Variants in SDK1 observed in about 807,000 individuals in gnomAD.
SDK1 encodes the protein protein sidekick-1.
SDK1 carries 157 observed loss-of-function variants against 245.5 expected under a neutral mutation model. The observed-to-expected ratio is 0.64, with a 90% confidence interval of 0.56 to 0.73. The LOEUF (loss-of-function observed/expected upper bound fraction) is 0.73, where lower values mean the gene tolerates loss of function less well. Among genes scored for constraint, SDK1 ranks in the 30% least tolerant of loss-of-function variants. The pLI is 0.00. For missense variants in SDK1, 3,583 were observed against 3,002.3 expected, an observed-to-expected ratio of 1.19 and a Z score of -4.52; for synonymous variants, 1,647 against 1,278.5, an observed-to-expected ratio of 1.29 and a Z score of -6.15.
intron 4 of SDK1, among the ~76,000 whole-genome samples, chr7:3,795,173 C>G (rs986585023): frequency 6.6e-6 from 1 of 152,088 alleles, no homozygotes; most frequent in Non-Finnish European, 1.5e-5. Context: ...CATCAAGTTG[C>G]CCTAGCATAC....
chr7:3,842,995 A>G (rs1033072222), intron 5 of SDK1, among the ~76,000 whole-genome samples: 2 of 152,114 alleles, frequency 1.3e-5, no homozygotes, highest in Non-Finnish European at 2.9e-5. Flanking sequence ...GCGAAAGTGC[A>G]TTGAACAACT....
chr7:3,964,310 C>T (rs1406531111), intron 9 of SDK1, among the ~76,000 whole-genome samples: 4 of 152,184 alleles, frequency 2.6e-5, no homozygotes, highest in Non-Finnish European at 5.9e-5. Context: ...GCCCTAGTAC[C>T]CTCCTCTTCT....
chr7:3,610,469 A>G (rs532788956), intron 1 of SDK1, among the ~76,000 whole-genome samples: 26 of 152,366 alleles, frequency 1.7e-4, no homozygotes, highest in African/African-American at 6.0e-4. Flanking sequence ...AGTTCAGTAT[A>G]CTTCTACTTT....
intron 1 of SDK1, among the ~76,000 whole-genome samples, chr7:3,446,041 CTCTTT>C (rs1780332714): frequency 6.6e-6 from 1 of 152,072 alleles, no homozygotes. Flanking sequence ...CAGTTGACAG[CTCTTT>C]TCTTTCAGCC....
chr7:4,190,999 C>T lies in SDK1; in HGVS notation c.5098+12413C>T, dbSNP rs999234351. On this transcript the variant is annotated intron_variant, in intron 35 of 44. Transcript: ENST00000404826. Reference sequence around the variant, plus strand: ...GAAGCCTCTGGGGCCTGTGTCCACCCATCCTCTACACTTCTGCTGGGGTGA... The same window carrying T: ...GAAGCCTCTGGGGCCTGTGTCCACCTATCCTCTACACTTCTGCTGGGGTGA... Among the ~76,000 whole-genome samples the T allele has an allele frequency of 5.3e-5, 8 of 152,334 alleles. 1 individual carries two copies. The South Asian group carries it at 1.4e-3, about 28-fold the overall frequency.
intron 1 of SDK1, among the ~76,000 whole-genome samples, chr7:3,332,881 C>T (rs1420832484): frequency 6.6e-6 from 1 of 152,150 alleles, no homozygotes; most frequent in African/African-American, 2.4e-5. Flanking sequence ...ATAATGCTAA[C>T]ATTTTAAGTT....
chr7:4,224,982 C>CAAAAAAAA (rs3038664), intron 40 of SDK1, among the ~76,000 whole-genome samples: 2 of 43,744 alleles, frequency 4.6e-5, no homozygotes, highest in African/African-American at 1.3e-4. Flanking sequence ...GACTCTGTCT[C>CAAAAAAAA]AAAAAAAAAA....
rs1314515596 is a variant in SDK1, at chr7:4,026,217, T to C, written c.2602+8865T>C. On this transcript the variant is annotated intron_variant, in intron 17 of 44. Coordinates refer to ENST00000404826, the MANE Select transcript of SDK1 (RefSeq NM_152744.4). This position sits in a 1 kb window ranked among gnomAD's most constrained non-coding sequence, Gnocchi z 4.1. Reference sequence around the variant, plus strand: ...AAACCACAAACATGCAATTTTCAGATGCGGAGAATGCAGAGACAGGGCATG... The same window carrying C: ...AAACCACAAACATGCAATTTTCAGACGCGGAGAATGCAGAGACAGGGCATG... Among the ~76,000 whole-genome samples the C allele has an allele frequency of 6.6e-6, 1 of 152,026 alleles. No homozygotes were observed. Among genetic ancestry groups the C allele is most frequent in the Non-Finnish European group, 1.5e-5 (1 of 68,024 alleles).
At chr7:4,094,768 A>G (rs1021658049) in intron 22 of SDK1, among the ~76,000 whole-genome samples, 2 of 152,182 alleles carry the variant, frequency 1.3e-5, no homozygotes, top group African/African-American at 4.8e-5. Context: ...GGCCAGGAGA[A>G]TCGGGTCACT....
Position 4,268,370 on chromosome 7 carries a change from C to A in SDK1, c.*2986C>A. On this transcript the variant is annotated 3_prime_UTR_variant, in exon 45 of 45. Coordinates refer to ENST00000404826, the MANE Select transcript of SDK1 (RefSeq NM_152744.4). ...CAGGCCACACCCCCTCGGCCTCCTG[C>A]ACGGCCACCTTCTGGGTGAATCGGT... The A allele has an allele frequency of 9.5e-7, 1 of 1,058,130 alleles. No homozygotes were observed. The highest frequency in any genetic ancestry group is 1.1e-6 in the Non-Finnish European group (1 of 870,994). 65.5% of individuals were successfully genotyped at this position (1,058,130 alleles called of 1,614,324 possible). A position where few individuals can be genotyped will look rare whatever the true frequency, so the allele number is the denominator to read the frequency against.
At chr7:3,891,871 A>G (rs939862671) in intron 5 of SDK1, among the ~76,000 whole-genome samples, 8 of 152,030 alleles carry the variant, frequency 5.3e-5, no homozygotes, top group African/African-American at 1.2e-4. Context: ...TTCCCTTTCA[A>G]TTGTATTTGC....
At chr7:3,938,818 A>G (rs780125591) in intron 5 of SDK1, among the ~76,000 whole-genome samples, 4 of 152,204 alleles carry the variant, frequency 2.6e-5, no homozygotes, top group Non-Finnish European at 4.4e-5. Flanking sequence ...AAACAAATCC[A>G]TGAGCCAACT....
intron 17 of SDK1, among the ~76,000 whole-genome samples, chr7:4,038,891 C>T (rs945505900): frequency 2.0e-5 from 3 of 152,114 alleles, no homozygotes; most frequent in Non-Finnish European, 4.4e-5. Context: ...TCTTCTGATT[C>T]CTTTTTCATT....
chr7:4,241,729 C>T, intron 42 of SDK1, 64 bp from the exon 43 acceptor site: 4 of 1,603,210 alleles, frequency 2.5e-6, no homozygotes, highest in South Asian at 1.1e-5. Context: ...CCAGCTCTGG[C>T]TTGGCGTGGC....
At chr7:4,111,040 A>G (rs1277707025) in intron 23 of SDK1, among the ~76,000 whole-genome samples, 1 of 152,130 alleles carries the variant, frequency 6.6e-6, no homozygotes, top group Non-Finnish European at 1.5e-5. Flanking sequence ...CACTGTTATT[A>G]TATTAGGCTG....
intron 4 of SDK1, among the ~76,000 whole-genome samples, chr7:3,735,845 T>G (rs193266191): frequency 6.6e-6 from 1 of 152,330 alleles, no homozygotes; most frequent in East Asian, 1.9e-4. Flanking sequence ...ATTTTGTTAT[T>G]TATTTATTTA....
At chr7:3,991,933 T>C (rs1431482915) in intron 14 of SDK1, among the ~76,000 whole-genome samples, 1 of 152,226 alleles carries the variant, frequency 6.6e-6, no homozygotes, top group Admixed American at 6.5e-5. Context: ...GCTGGCTAAT[T>C]AGAGCCAGAA....
chr7:3,826,287 G>A (rs1188209000), intron 5 of SDK1, among the ~76,000 whole-genome samples: 1 of 152,200 alleles, frequency 6.6e-6, no homozygotes, highest in South Asian at 2.1e-4. Context: ...GGAATCAGCA[G>A]TGCTAATCAT....
At position 3,770,824 on chromosome 7, in the gene SDK1, A is replaced by C. The variant is rs567534704; in HGVS notation, c.714-50626A>C. ...TCAGGTAAGGGATGAGCCTGCCTGGACTGCCTTCTATGATAGGTTAGGGGT... is the reference window on the plus strand; with the variant it reads ...TCAGGTAAGGGATGAGCCTGCCTGGCCTGCCTTCTATGATAGGTTAGGGGT... On this transcript the variant is annotated intron_variant, in intron 4 of 44. Transcript: ENST00000404826. Among the ~76,000 whole-genome samples, 469 of 152,126 alleles carry C rather than the reference A, an allele frequency of 3.1e-3. 4 individuals carry two copies. Among genetic ancestry groups the C allele is most frequent in the African/African-American group, 0.011 (452 of 41,526 alleles).
Sources: allele counts gnomAD v4.1 joint callset (sites outside exome capture counted in the v4.1 genomes callset), GRCh38; gene constraint gnomAD v4.1.1; non-coding constraint Gnocchi (gnomAD v3.1); transcripts MANE v1.5; gene names NCBI Gene and HGNC (gene_info 2026-07-23, HGNC 2026-07-21).